THAP7: variants seen among roughly 807,000 people sequenced by gnomAD.
THAP7 encodes the protein THAP domain containing 7, also known as THAP domain-containing protein 7.
In THAP7, 22 loss-of-function variants were observed where a neutral mutation model predicts 29.2. The observed-to-expected ratio is 0.75, with a 90% CI of 0.54 to 1.08. THAP7 has a LOEUF of 1.08. Among genes scored for constraint, THAP7 ranks in the 50% least tolerant of loss-of-function variants. The probability of loss-of-function intolerance (pLI) is 0.00; values close to 1 mark genes in which losing one functional copy is unlikely to be tolerated. For synonymous variants in THAP7, 208 were observed against 173.4 expected, an observed-to-expected ratio of 1.20 and a Z score of -1.57; for missense variants, 448 against 416.2, an observed-to-expected ratio of 1.08 and a Z score of -0.66.
In THAP7 at chr22:21,000,203, G is replaced by A. The variant is rs575016160; in HGVS notation, c.607C>T (p.Pro203Ser). The A allele has an allele frequency of 3.3e-5, 51 of 1,559,412 alleles. No homozygotes were observed. In the East Asian group the frequency reaches 1.1e-3, roughly 34 times the overall value. ...AQPSPERQPS[P>S]LEPRPVSPSA... is the part of the protein sequence containing the mutation. ...GGGGAGACTGGCCGTGGTTCGAGAG[G>A]GGAGGGCTGCCGCTCTGGTGAAGGC... The change falls in exon 4 of 4, where the codon CCT (proline) becomes TCT (serine). Residue 203 changes from proline to serine, a missense_variant. By Grantham distance (74) the Pro-to-Ser change is moderately conservative. Coordinates refer to ENST00000215742, the MANE Select transcript of THAP7 (RefSeq NM_030573.3).
rs1437075529 is a variant in THAP7 at position 20,999,799 on chromosome 22, CACCTGGTGG to C, written c.*72_*80del. ...CCGTCTAGAATCCGCTTTATTATGG[CACCTGGTGG>C]GTCTGGTGGGATCTGAGGGAGGAAG... On this transcript the variant is annotated 3_prime_UTR_variant, in exon 4 of 4. Coordinates refer to ENST00000215742, the MANE Select transcript of THAP7 (RefSeq NM_030573.3). 6.7e-7 allele frequency: 1 copy of C among 1,481,894 alleles called. No individual in the cohort carries two copies. The highest frequency in any genetic ancestry group is 9.0e-7 in the Non-Finnish European group (1 of 1,112,366). The allele number at this position is 1,481,894 out of a possible 1,614,324, so 91.8% of individuals were successfully genotyped here.
Position 20,999,796 on chromosome 22 carries a change from T to C in THAP7, c.*84A>G. On this transcript the variant is annotated 3_prime_UTR_variant, in exon 4 of 4. Transcript: ENST00000215742. ...CCTCCGTCTAGAATCCGCTTTATTA[T>C]GGCACCTGGTGGGTCTGGTGGGATC... is the stretch of plus-strand genomic sequence containing the variant. 6.8e-7 allele frequency: 1 copy of C among 1,473,044 alleles called. No individual in the cohort carries two copies. The highest frequency in any genetic ancestry group is 9.0e-7 in the Non-Finnish European group (1 of 1,106,070). 91.2% of individuals were successfully genotyped at this position (1,473,044 alleles called of 1,614,324 possible).
rs757542555 is a variant in THAP7 at position 21,000,687 on chromosome 22, C to T, written c.337G>A (p.Gly113Ser). Reference sequence around the variant, plus strand: ...CTGAGCCGGCTGACTTCAGCGGGGCCAGGTGGGTAACTGTGTCCTTTGGTC... The same window carrying T: ...CTGAGCCGGCTGACTTCAGCGGGGCTAGGTGGGTAACTGTGTCCTTTGGTC... ...TKTKGHSYPP[G>S]PAEVSRLRRC... The change falls in exon 3 of 4, where the codon GGC (glycine) becomes AGC (serine). Residue 113 changes from glycine (G) to serine (S), a missense_variant. Gly to Ser is a moderately conservative substitution (Grantham distance 56). Transcript: ENST00000215742. 1 of 1,614,172 alleles carries T rather than the reference C, an allele frequency of 6.2e-7. No homozygotes were observed. Among genetic ancestry groups the T allele is most frequent in the Non-Finnish European group, 8.5e-7 (1 of 1,180,022 alleles).
At chr22:21,000,476 T>C (rs1925098300) in intron 3 of THAP7, 44 bp from the exon 4 acceptor site, 21 of 1,537,230 alleles carry the variant, frequency 1.4e-5, no homozygotes, top group Non-Finnish European at 1.8e-5. Context: ...GGCTGAGGGC[T>C]TGCCAGACCC....
chr22:21,000,690 G>A lies in THAP7; in HGVS notation c.334C>T (p.Pro112Ser). The change falls in exon 3 of 4, where the codon CCT becomes TCT. Residue 112 changes from proline to serine, a missense_variant. Pro to Ser is a moderately conservative substitution (Grantham distance 74, BLOSUM62 -1). Transcript: ENST00000215742. ...AGCCGGCTGACTTCAGCGGGGCCAG[G>A]TGGGTAACTGTGTCCTTTGGTCTTG... The part of the protein sequence containing the change: ...TTKTKGHSYP[P>S]GPAEVSRLRR... 4.3e-6 allele frequency: 7 copies of A among 1,614,194 alleles called. 1 individual carries two copies. The highest frequency in any genetic ancestry group is 1.1e-5 in the South Asian group (1 of 91,086).
chr22:21,000,022 C>A lies in THAP7; in HGVS notation c.788G>T (p.Arg263Leu). ...TCTCAACCGCAGCCGCTGCTCCCGC[C>A]GCTTGCAGGCCTGCAGCTGGCGCTG... ...KAQRQLQACK[R>L]REQRLRLRLT... The change falls in exon 4 of 4, where the codon CGG (arginine) becomes CTG (leucine). Residue 263 changes from arginine (R) to leucine (L), a missense_variant. Transcript: ENST00000215742. 6.2e-7 allele frequency: 1 copy of A among 1,612,932 alleles called. No homozygotes were observed. The highest frequency in any genetic ancestry group is 8.5e-7 in the Non-Finnish European group (1 of 1,179,940).
intron 2 of THAP7, 139 bp downstream of exon 2, chr22:21,001,117 G>A: frequency 8.0e-7 from 1 of 1,247,858 alleles, no homozygotes; most frequent in Non-Finnish European, 1.1e-6. Context: ...CCTGGGGGTG[G>A]GTTTCACTGT....
chr22:21,000,038 G>C lies in THAP7; in HGVS notation c.772C>G (p.Leu258Val), dbSNP rs1194077122. 6.2e-7 allele frequency: 1 copy of C among 1,612,960 alleles called. No homozygotes were observed. The highest frequency in any genetic ancestry group is 1.3e-5 in the African/African-American group (1 of 75,066). ...TGCTCCCGCCGCTTGCAGGCCTGCAGCTGGCGCTGGGCCTTGTCAAGGGCA... is the reference window on the plus strand; with the variant it reads ...TGCTCCCGCCGCTTGCAGGCCTGCACCTGGCGCTGGGCCTTGTCAAGGGCA... ...LDALDKAQRQ[L>V]QACKRREQRL... Residue 258 changes from leucine (L) to valine (V), a missense_variant, in exon 4 of 4, where the codon CTG becomes GTG. Coordinates refer to ENST00000215742, the MANE Select transcript of THAP7 (RefSeq NM_030573.3).
At chr22:21,000,565 C>A (rs754139526) in intron 3 of THAP7, 82 bp downstream of exon 3, 2 of 1,595,838 alleles carry the variant, frequency 1.3e-6, no homozygotes, top group Non-Finnish European at 1.7e-6. Context: ...CCCTGTCCAG[C>A]GAGACTGCTG....
In THAP7 at chr22:20,999,379, T is replaced by C. The variant is rs1925018383; in HGVS notation, c.*501A>G. The C allele has an allele frequency of 6.4e-6, 1 of 155,566 alleles. No homozygotes were observed. The highest frequency in any genetic ancestry group is 1.4e-5 in the Non-Finnish European group (1 of 70,288). The allele number at this position is 155,566 out of a possible 1,614,324, so 9.6% of individuals were successfully genotyped here. On this transcript the variant is annotated 3_prime_UTR_variant, in exon 4 of 4. Coordinates refer to ENST00000215742, the MANE Select transcript of THAP7 (RefSeq NM_030573.3). ...GGGGGCGGGGAGAGGGTTGTCCAGC[T>C]TACCCACCAGGCTGATGGGGCCTGT...
rs900963006 is a variant in THAP7, at chr22:21,001,968, T to C, written c.-57A>G. On this transcript the variant is annotated 5_prime_UTR_variant, in exon 1 of 4. Coordinates refer to ENST00000215742, the MANE Select transcript of THAP7 (RefSeq NM_030573.3). ...GGCTCTCCGGGCATCCGGAGGAGCC[T>C]CGCGCCTCCAGCCGCCGCTCCTCCC... The C allele has an allele frequency of 2.7e-6, 4 of 1,481,078 alleles. No individual in the cohort carries two copies. Among genetic ancestry groups the C allele is most frequent in the Middle Eastern group, 1.8e-4 (1 of 5,498 alleles). The allele number at this position is 1,481,078 out of a possible 1,614,324, so 91.7% of individuals were successfully genotyped here. A position where few individuals can be genotyped will look rare whatever the true frequency, so the allele number is the denominator to read the frequency against.
chr22:21,001,459 C>G, intron 1 of THAP7, 48 bp from the exon 2 acceptor site: 1 of 1,592,870 alleles, frequency 6.3e-7, no homozygotes, highest in Non-Finnish European at 8.5e-7. Context: ...CAGCCCTGGG[C>G]TCATGCTGCC....
Position 21,001,386 on chromosome 22 carries a change from G to T in THAP7, c.106C>A (p.Arg36=). The change falls in exon 2 of 4, where the codon CGA becomes AGA. Residue 36 remains arginine (R), a synonymous_variant. Coordinates refer to ENST00000215742, the MANE Select transcript of THAP7 (RefSeq NM_030573.3). Reference sequence around the variant, plus strand: ...TGGCAGTTGGCCAGCCACAAGCCTCGCCTCGGGTTGTCCTTCTTGGGAAGT... The same window carrying T: ...TGGCAGTTGGCCAGCCACAAGCCTCTCCTCGGGTTGTCCTTCTTGGGAAGT... ...HRLPKKDNPR[R]GLWLANCQRL... 1 of 1,613,898 alleles carries T rather than the reference G, an allele frequency of 6.2e-7. No homozygotes were observed. Among genetic ancestry groups the T allele is most frequent in the Non-Finnish European group, 8.5e-7 (1 of 1,180,008 alleles).
chr22:21,002,010 G>T lies in THAP7; in HGVS notation c.-99C>A. On this transcript the variant is annotated 5_prime_UTR_variant, in exon 1 of 4. Transcript: ENST00000215742. ...GCTCCTCCCCAAGGGGCTCTGGCCT[G>T]TCGGGTCCCCCCCGGCCCGTTGTCG... 3.2e-6 allele frequency: 4 copies of T among 1,235,844 alleles called. No homozygotes were observed. The highest frequency in any genetic ancestry group is 3.1e-5 in the African/African-American group (2 of 63,982). 76.6% of individuals were successfully genotyped at this position (1,235,844 alleles called of 1,614,324 possible).
intron 3 of THAP7, 73 bp downstream of exon 3, chr22:21,000,574 T>C: frequency 6.2e-7 from 1 of 1,602,434 alleles, no homozygotes; most frequent in Non-Finnish European, 8.5e-7. Flanking sequence ...GCGAGACTGC[T>C]GGCAGACACC....
chr22:21,000,545 G>A (rs1403985553), intron 3 of THAP7, 102 bp downstream of exon 3: 1 of 1,580,128 alleles, frequency 6.3e-7, no homozygotes, highest in East Asian at 2.2e-5. Flanking sequence ...CAGGTTCTGT[G>A]TAGCAAGAAC....
chr22:21,001,563 C>A, intron 1 of THAP7, 152 bp from the exon 2 acceptor site: 1 of 1,231,814 alleles, frequency 8.1e-7, no homozygotes, highest in Non-Finnish European at 1.1e-6. Context: ...CGGGCACAGA[C>A]GAGGCAACGG....
Position 21,000,221 on chromosome 22 carries a change from G to C in THAP7, c.589C>G (p.Pro197Ala), listed in dbSNP as rs1469609425. 2 of 1,558,574 alleles carry C rather than the reference G, an allele frequency of 1.3e-6. No homozygotes were observed. Among genetic ancestry groups the C allele is most frequent in the Admixed American group, 1.9e-5 (1 of 51,558 alleles). Residue 197 changes from proline to alanine, a missense_variant, in exon 4 of 4, where the codon CCA (proline) becomes GCA (alanine). Physicochemically the swap from Pro to Ala is conservative, Grantham distance 27. Transcript: ENST00000215742. ...DEAGCSAQPS[P>A]ERQPSPLEPR... ...TCGAGAGGGGAGGGCTGCCGCTCTG[G>C]TGAAGGCTGGGCGCTGCAGCCTGCT...
chr22:21,000,747 A>G lies in THAP7; in HGVS notation c.277T>C (p.Phe93Leu). 1 of 1,614,138 alleles carries G rather than the reference A, an allele frequency of 6.2e-7. No homozygotes were observed. The change falls in exon 3 of 4, where the codon TTT becomes CTT. Residue 93 changes from phenylalanine (F) to leucine (L), a missense_variant. By Grantham distance (22) the Phe-to-Leu change is conservative. Transcript: ENST00000215742. ...CGGCGCAACTTGGAGAAAGACTCAA[A>G]TATGGTGGGGACTGCCCCCTCCTTT... ...RLKEGAVPTIFESFSKLRRTT... is the reference protein window; with the variant it reads ...RLKEGAVPTILESFSKLRRTT...
Sources: gnomAD v4.1 joint callset for allele counts on GRCh38, gnomAD v4.1.1 for gene constraint, MANE v1.5 for transcripts, NCBI Gene and HGNC (gene_info 2026-07-23, HGNC 2026-07-21) for gene names.